The following PDE4D variants were observed in gnomAD, a reference collection of about 807,000 sequenced individuals.
The protein encoded by PDE4D is phosphodiesterase 4D.
A neutral mutation model predicts 87.4 loss-of-function variants in PDE4D; 24 were observed. That is an observed-to-expected ratio of 0.27 (90% CI 0.20 to 0.39). The LOEUF (loss-of-function observed/expected upper bound fraction) is 0.39. Among genes scored for constraint, PDE4D ranks in the 10% least tolerant of loss-of-function variants. The pLI, the probability that PDE4D is intolerant of heterozygous loss-of-function variation, is 1.00. For missense variants in PDE4D, 714 were observed against 1,041.0 expected (o/e 0.69, Z 4.32); for synonymous variants, 384 against 383.2 (o/e 1.00, Z -0.02).
intron 1 of PDE4D, among the ~76,000 whole-genome samples, chr5:60,497,514 C>A (rs1269659502): frequency 6.6e-6 from 1 of 151,894 alleles, no homozygotes; most frequent in Non-Finnish European, 1.5e-5. Context: ...GTGATCCTCC[C>A]ACCTCAACCT....
chr5:59,771,493 G>GA (rs751895263), intron 1 of PDE4D, among the ~76,000 whole-genome samples: 1,141 of 35,112 alleles, frequency 0.032, 2 homozygotes, highest in South Asian at 0.044. Flanking sequence ...AAGAGAGAGA[G>GA]AGAGAGAAGA....
intron 1 of PDE4D, among the ~76,000 whole-genome samples, chr5:59,307,953 A>G (rs1771743440): frequency 1.3e-5 from 2 of 152,200 alleles, no homozygotes; most frequent in Admixed American, 1.3e-4. Flanking sequence ...AAAGACTTGG[A>G]ACCAATCCAA....
At chr5:59,965,546 C>T (rs1322442712) in intron 3 of PDE4D, among the ~76,000 whole-genome samples, 2 of 152,110 alleles carry the variant, frequency 1.3e-5, no homozygotes, top group Non-Finnish European at 2.9e-5. Context: ...ATCTTGAGTA[C>T]CTGGCATTAT....
At chr5:59,261,651 T>C (rs1030611952) in intron 1 of PDE4D, among the ~76,000 whole-genome samples, 11 of 151,822 alleles carry the variant, frequency 7.2e-5, no homozygotes, top group African/African-American at 2.4e-5. Context: ...GATGTGCCCT[T>C]TTTGTGTTCC....
intron 5 of PDE4D, among the ~76,000 whole-genome samples, chr5:59,086,601 T>C (rs1767730119): frequency 6.6e-6 from 1 of 152,166 alleles, no homozygotes; most frequent in African/African-American, 2.4e-5. Flanking sequence ...CCAGCTTACA[T>C]TGCTCTTCCA....
intron 1 of PDE4D, among the ~76,000 whole-genome samples, chr5:59,452,403 A>G (rs1488501712): frequency 6.6e-6 from 1 of 152,182 alleles, no homozygotes; most frequent in Non-Finnish European, 1.5e-5. Flanking sequence ...GTGATGGAAG[A>G]GTTGAAATGC....
intron 1 of PDE4D, among the ~76,000 whole-genome samples, chr5:60,473,110 A>G (rs1747942517): frequency 8.8e-6 from 1 of 113,316 alleles, no homozygotes. Flanking sequence ...AGAAAGAAAG[A>G]GAGAGAGAGA....
At chr5:59,608,012 A>G (rs1019034008) in intron 1 of PDE4D, among the ~76,000 whole-genome samples, 4 of 152,132 alleles carry the variant, frequency 2.6e-5, no homozygotes, top group African/African-American at 9.7e-5. Context: ...AAAAGAAAAT[A>G]AACCTCTCTA....
At chr5:60,246,392 C>T (rs1747782477) in intron 1 of PDE4D, among the ~76,000 whole-genome samples, 1 of 151,690 alleles carries the variant, frequency 6.6e-6, no homozygotes, top group Non-Finnish European at 1.5e-5. Flanking sequence ...CCAAATCTTC[C>T]TGTGCTCTCC....
intron 3 of PDE4D, chr5:59,986,584 C>T (rs1417587404): frequency 4.6e-5 from 7 of 152,124 alleles, no homozygotes; most frequent in African/African-American, 1.4e-4. Context: ...AGTAAGATAA[C>T]TATTCTAAGA....
At chr5:60,233,928 T>G (rs1011827898) in intron 1 of PDE4D, among the ~76,000 whole-genome samples, 2 of 151,856 alleles carry the variant, frequency 1.3e-5, no homozygotes, top group African/African-American at 4.8e-5. Flanking sequence ...CTACATACCA[T>G]GCTATCTCAA....
chr5:59,472,546 C>T (rs1003362962), intron 1 of PDE4D, among the ~76,000 whole-genome samples: 17 of 152,244 alleles, frequency 1.1e-4, no homozygotes, highest in African/African-American at 3.6e-4. Context: ...TCATCTCCTG[C>T]GAATATACGA....
chr5:59,202,078 G>T (rs1310292140), intron 2 of PDE4D, among the ~76,000 whole-genome samples: 1 of 119,802 alleles, frequency 8.3e-6, no homozygotes, highest in South Asian at 2.7e-4. Context: ...TCACTCTGTC[G>T]CCCAGGCTGG....
Position 60,425,053 on chromosome 5 carries a change from AACGT to A in PDE4D, c.-90+62885_-90+62888del, listed in dbSNP as rs539786318. Among the ~76,000 whole-genome samples the A allele has an allele frequency of 6.8e-3, 1,036 of 152,348 alleles. 10 individuals carry two copies. Among genetic ancestry groups the A allele is most frequent in the African/African-American group, 0.024 (983 of 41,578 alleles). ...AAAAGAGGACACAAACAAATGGAAG[AACGT>A]TCCATGCTTATGGATGGGAAGAATC... On this transcript the variant is annotated intron_variant, in intron 1 of 16. Coordinates refer to the PDE4D transcript ENST00000502484.
chr5:59,454,160 A>G (rs1204702261), intron 1 of PDE4D, among the ~76,000 whole-genome samples: 2 of 152,196 alleles, frequency 1.3e-5, no homozygotes, highest in African/African-American at 4.8e-5. Flanking sequence ...CTGCTCTTAT[A>G]TAAAGATTTT....
chr5:59,085,980 G>A (rs11958956), intron 5 of PDE4D, among the ~76,000 whole-genome samples: 99,516 of 151,952 alleles, frequency 0.65, 32,774 homozygotes, highest in East Asian at 0.8. Context: ...AGCTGATAAC[G>A]ATGTTGTATA....
At position 59,449,078 on chromosome 5, in the gene PDE4D, G is replaced by A. The variant is rs189614782; in HGVS notation, c.456-233110C>T. 4.5e-3 allele frequency among the ~76,000 whole-genome samples: 690 copies of A among 152,292 alleles called. 3 individuals are homozygous for A. The highest frequency in any genetic ancestry group is 7.3e-3 in the Non-Finnish European group (496 of 68,020). On this transcript the variant is annotated intron_variant, in intron 1 of 14. Transcript: ENST00000340635. ...CATATGTGAGAGATTACAAATCAAA[G>A]AACAATGCTTTTGATGCATAAAAGC...
chr5:59,008,257 AAT>A (rs1303693212), intron 6 of PDE4D, among the ~76,000 whole-genome samples: 1 of 152,028 alleles, frequency 6.6e-6, no homozygotes, highest in Non-Finnish European at 1.5e-5. Flanking sequence ...AATTCACTTA[AAT>A]TGGCCTAAAT....
At position 58,975,902 on chromosome 5, in the gene PDE4D, A is replaced by AAT; in HGVS notation, c.1831-64_1831-63insAT. ...CCTTTTTTTTAAAAAAAAAAACAAA[A>AAT]AAAACTAGAAATTCACATTGGATGA... On this transcript the variant is annotated intron_variant, in intron 13 of 14. Coordinates refer to ENST00000340635, the MANE Select transcript of PDE4D (RefSeq NM_001104631.2). This position sits in a 1 kb window ranked among gnomAD's most constrained non-coding sequence, Gnocchi z 4.2. The AAT allele has an allele frequency of 8.1e-7, 1 of 1,240,866 alleles. No homozygotes were observed. The highest frequency in any genetic ancestry group is 1.1e-6 in the Non-Finnish European group (1 of 924,322). 76.9% of individuals were successfully genotyped at this position (1,240,866 alleles called of 1,614,324 possible). A position where few individuals can be genotyped will look rare whatever the true frequency, so the allele number is the denominator to read the frequency against.
Sources: allele counts gnomAD v4.1 joint callset (sites outside exome capture counted in the v4.1 genomes callset), GRCh38; gene constraint gnomAD v4.1.1; non-coding constraint Gnocchi (gnomAD v3.1); transcripts MANE v1.5; gene names NCBI Gene and HGNC (gene_info 2026-07-23, HGNC 2026-07-21).